Variants in ARPP21 observed in about 807,000 individuals in gnomAD.
The protein encoded by ARPP21 is cAMP-regulated phosphoprotein 21.
In ARPP21, 69 loss-of-function variants were observed where a neutral mutation model predicts 113.2. The ratio of observed to expected loss-of-function variants is 0.61; its 90% CI spans 0.50 to 0.74. The LOEUF is 0.74. Ranked by LOEUF, ARPP21 falls within the 30% of genes least tolerant of loss-of-function variation. The pLI is 0.00. For missense variants in ARPP21, 1,070 were observed against 1,037.4 expected, an observed-to-expected ratio of 1.03 and a Z score of -0.43; for synonymous variants, 368 against 375.5, an observed-to-expected ratio of 0.98 and a Z score of 0.23.
intron 19 of ARPP21, among the ~76,000 whole-genome samples, chr3:35,772,732 A>C (rs184099620): frequency 9.8e-5 from 15 of 152,316 alleles, no homozygotes; most frequent in Admixed American, 5.9e-4. Flanking sequence ...TATTTTGGGC[A>C]GTCATCTGTG....
intron 18 of ARPP21, among the ~76,000 whole-genome samples, chr3:35,740,373 A>G (rs1304939236): frequency 6.6e-6 from 1 of 152,218 alleles, no homozygotes; most frequent in African/African-American, 2.4e-5. Context: ...ATTATGAAGT[A>G]TTGCATTGGA....
intron 19 of ARPP21, among the ~76,000 whole-genome samples, chr3:35,769,386 G>A (rs539275948): frequency 6.6e-6 from 1 of 152,210 alleles, no homozygotes; most frequent in African/African-American, 2.4e-5. Context: ...TACAACCCAA[G>A]GGTGGAGCTT....
intron 13 of ARPP21, among the ~76,000 whole-genome samples, chr3:35,720,418 T>C (rs2092939539): frequency 6.6e-6 from 1 of 152,238 alleles, no homozygotes; most frequent in East Asian, 1.9e-4. Flanking sequence ...GGTGAGTATT[T>C]CAATCACATA....
rs769170599 is a variant in ARPP21, at chr3:35,743,568, CT to C, written c.2011-268del. 2.5e-3 allele frequency among the ~76,000 whole-genome samples: 225 copies of C among 90,488 alleles called. 1 individual carries two copies. The highest frequency in any genetic ancestry group is 5.3e-3 in the Non-Finnish European group (187 of 35,296). The allele number at this position is 90,488 out of a possible 152,430, so 59.4% of individuals were successfully genotyped here. ...TACAGACGTGGAAGCTGCAAGTCTT[CT>C]TTAGGATCAGACTTGAAAGACTCAG... is the stretch of plus-strand genomic sequence containing the variant. On this transcript the variant is annotated intron_variant, in intron 18 of 20. Coordinates refer to ENST00000684406, the MANE Select transcript of ARPP21 (RefSeq NM_001385562.1).
At chr3:35,735,291 T>C (rs1194732168) in intron 15 of ARPP21, among the ~76,000 whole-genome samples, 1 of 152,078 alleles carries the variant, frequency 6.6e-6, no homozygotes, top group East Asian at 1.9e-4. Context: ...TTTTGTATTT[T>C]TTTTAGAGAC....
Position 35,671,070 on chromosome 3 carries a change from CAG to C in ARPP21, c.-212-8714_-212-8713del, listed in dbSNP as rs566001481. ...TTCATATGCCATACATTTGCTGTAC[CAG>C]AGTCTCTGTAAAGGCACATAGCTCC... On this transcript the variant is annotated intron_variant, in intron 1 of 20. Coordinates refer to ENST00000684406, the MANE Select transcript of ARPP21 (RefSeq NM_001385562.1). Among the ~76,000 whole-genome samples the C allele has an allele frequency of 1.2e-3, 186 of 152,246 alleles. 3 individuals are homozygous for C. The highest frequency in any genetic ancestry group is 4.1e-3 in the African/African-American group (171 of 41,552).
chr3:35,661,267 C>A (rs942075144), intron 1 of ARPP21, among the ~76,000 whole-genome samples: 7 of 152,112 alleles, frequency 4.6e-5, no homozygotes, highest in African/African-American at 1.4e-4. Flanking sequence ...CTCATTGATT[C>A]ATTGTCATAG....
intron 19 of ARPP21, among the ~76,000 whole-genome samples, chr3:35,781,848 C>G (rs1364142174): frequency 6.6e-6 from 1 of 151,964 alleles, no homozygotes; most frequent in African/African-American, 2.4e-5. Flanking sequence ...ATGTTTAGTC[C>G]CAAATTCTCC....
At chr3:35,744,778 C>T (rs983958229) in intron 19 of ARPP21, among the ~76,000 whole-genome samples, 8 of 152,226 alleles carry the variant, frequency 5.3e-5, no homozygotes, top group South Asian at 2.1e-4. Context: ...ATGCCTGCTC[C>T]GTGATCTGAT....
chr3:35,718,044 T>C (rs1022999509), intron 13 of ARPP21, among the ~76,000 whole-genome samples: 1 of 152,182 alleles, frequency 6.6e-6, no homozygotes, highest in South Asian at 2.1e-4. Context: ...ATATATTTAA[T>C]GTGTTAATGT....
At chr3:35,784,651 C>T (rs558361997) in intron 19 of ARPP21, among the ~76,000 whole-genome samples, 3 of 152,236 alleles carry the variant, frequency 2.0e-5, no homozygotes, top group South Asian at 4.2e-4. Flanking sequence ...ACTGTTGCCT[C>T]CCAGTAGATG....
At chr3:35,708,644 CAG>C (rs1157473940) in intron 10 of ARPP21, among the ~76,000 whole-genome samples, 1 of 152,218 alleles carries the variant, frequency 6.6e-6, no homozygotes, top group Non-Finnish European at 1.5e-5. Context: ...GCAAGACAGA[CAG>C]AGTCCATCAG....
intron 14 of ARPP21, among the ~76,000 whole-genome samples, chr3:35,728,514 A>G (rs1056887274): frequency 6.5e-5 from 9 of 139,174 alleles, no homozygotes; most frequent in Admixed American, 3.2e-4. Flanking sequence ...CACTGTGCCC[A>G]GCCCATCCTT....
At chr3:35,648,038 G>A (rs1036723894) in intron 1 of ARPP21, among the ~76,000 whole-genome samples, 2 of 152,042 alleles carry the variant, frequency 1.3e-5, no homozygotes, top group Non-Finnish European at 2.9e-5. Flanking sequence ...AAAATATTTT[G>A]GTAATTTGGA....
intron 19 of ARPP21, among the ~76,000 whole-genome samples, chr3:35,786,946 T>C (rs2096646385): frequency 6.6e-6 from 1 of 152,172 alleles, no homozygotes; most frequent in South Asian, 2.1e-4. Flanking sequence ...GTGTGTCTGT[T>C]TTCTCCACCT....
At chr3:35,697,665 C>G (rs183220845) in intron 9 of ARPP21, among the ~76,000 whole-genome samples, 28 of 151,704 alleles carry the variant, frequency 1.8e-4, no homozygotes, top group Admixed American at 1.6e-3. Context: ...CAACAGTGTA[C>G]AGCAGTATGC....
intron 3 of ARPP21, 136 bp from the exon 4 acceptor site, chr3:35,682,712 A>C: frequency 3.0e-6 from 2 of 672,078 alleles, no homozygotes; most frequent in Non-Finnish European, 4.7e-6. Context: ...TTCTGTTGCT[A>C]TTATTATTGA....
At chr3:35,768,413 T>TAA (rs1257399207) in intron 19 of ARPP21, among the ~76,000 whole-genome samples, 1 of 152,134 alleles carries the variant, frequency 6.6e-6, no homozygotes, top group Non-Finnish European at 1.5e-5. Flanking sequence ...GAACATTGGC[T>TAA]AACACGGACA....
intron 19 of ARPP21, among the ~76,000 whole-genome samples, chr3:35,753,015 C>A (rs142079146): frequency 0.01 from 1,483 of 147,914 alleles, 7 homozygotes; most frequent in African/African-American, 0.018. Context: ...AACATGTGTA[C>A]CTATTTTCAC....
Sources: gnomAD v4.1 joint callset for allele counts (sites outside exome capture counted in the v4.1 genomes callset) on GRCh38, gnomAD v4.1.1 for gene constraint, MANE v1.5 for transcripts, NCBI Gene and HGNC (gene_info 2026-07-23, HGNC 2026-07-21) for gene names.